Variants in ZNF627 observed in about 807,000 individuals in gnomAD.
The protein encoded by ZNF627 is zinc finger protein 627.
ZNF627 carries 12 observed loss-of-function variants against 10.6 expected under a neutral mutation model. The ratio of observed to expected loss-of-function variants is 1.13; its 90% confidence interval spans 0.73 to 1.84. The LOEUF (loss-of-function observed/expected upper bound fraction) is 1.84. ZNF627 is among the 40% of genes most tolerant of loss of function. The pLI is 0.00. For missense variants in ZNF627, 504 were observed against 568.4 expected (o/e 0.89, Z 1.15); for synonymous variants, 176 against 187.1 (o/e 0.94, Z 0.48).
At chr19:11,601,558 G>A (rs987087561) in intron 1 of ZNF627, among the ~76,000 whole-genome samples, 2 of 152,002 alleles carry the variant, frequency 1.3e-5, no homozygotes, top group Non-Finnish European at 2.9e-5. Context: ...ATGTTGCCCA[G>A]ACTGGTCTCT....
chr19:11,616,725 A>T lies in ZNF627; in HGVS notation c.222A>T (p.Lys74Asn), dbSNP rs1457708833. Residue 74 changes from lysine (K) to asparagine (N), a missense_variant, in exon 4 of 4, where the codon AAA (lysine) becomes AAT (asparagine). Physicochemically the swap from Lys to Asn is moderately conservative, Grantham distance 94. Transcript: ENST00000361113. ...SHIPERLCES[K>N]EGGQGEETFS... ...TTCCAGAGAGACTCTGTGAAAGTAA[A>T]GAAGGTGGTCAAGGTGAAGAAACCT... The T allele has an allele frequency of 1.2e-6, 2 of 1,600,788 alleles. No homozygotes were observed. The highest frequency in any genetic ancestry group is 2.2e-5 in the South Asian group (2 of 89,290).
intron 1 of ZNF627, among the ~76,000 whole-genome samples, chr19:11,598,513 T>C (rs1008043012): frequency 2.0e-5 from 3 of 152,200 alleles, no homozygotes; most frequent in Non-Finnish European, 4.4e-5. Context: ...GCCACAGCCC[T>C]CTAATTGTCT....
chr19:11,618,937 T>C lies in ZNF627; in HGVS notation c.*1048T>C, dbSNP rs551746863. On this transcript the variant is annotated 3_prime_UTR_variant, in exon 4 of 4. Transcript: ENST00000361113. ...AACCATGTGCATACAACTTAAGGAA[T>C]TTTTTCCTCCTCATGTAAATTTTAC... 2 of 151,798 alleles carry C rather than the reference T, an allele frequency of 1.3e-5. No individual in the cohort carries two copies. The highest frequency in any genetic ancestry group is 6.6e-5 in the Admixed American group (1 of 15,254). The allele number at this position is 151,798 out of a possible 1,614,324, so 9.4% of individuals were successfully genotyped here.
chr19:11,606,272 G>A (rs948352216), intron 1 of ZNF627, among the ~76,000 whole-genome samples: 4 of 151,902 alleles, frequency 2.6e-5, no homozygotes, highest in Admixed American at 6.6e-5. Context: ...AGAAGGCGGA[G>A]GTTCCAGTGA....
At chr19:11,599,244 G>T (rs1304181205) in intron 1 of ZNF627, among the ~76,000 whole-genome samples, 1 of 151,932 alleles carries the variant, frequency 6.6e-6, no homozygotes, top group Non-Finnish European at 1.5e-5. Flanking sequence ...GAGGAGCTGG[G>T]TGTCCTGGGG....
chr19:11,606,194 A>G (rs1400685000), intron 1 of ZNF627, among the ~76,000 whole-genome samples: 2 of 151,892 alleles, frequency 1.3e-5, no homozygotes, highest in Non-Finnish European at 2.9e-5. Flanking sequence ...ACAAAAAATT[A>G]GGCATGGTGG....
At chr19:11,606,843 C>T (rs1973684288) in intron 1 of ZNF627, among the ~76,000 whole-genome samples, 1 of 152,204 alleles carries the variant, frequency 6.6e-6, no homozygotes, top group South Asian at 2.1e-4. Context: ...TTGCACCCTC[C>T]GAAGCCATGA....
chr19:11,615,705 C>T (rs1973854925), intron 3 of ZNF627, among the ~76,000 whole-genome samples: 1 of 147,188 alleles, frequency 6.8e-6, no homozygotes, highest in African/African-American at 2.5e-5. Context: ...TAAGAAACTT[C>T]ATACGAATAT....
Position 11,617,122 on chromosome 19 carries a change from C to A in ZNF627, c.619C>A (p.Pro207Thr). ...CKVCGKAFDYPSLFRIHERSH... is the reference protein window; with the variant it reads ...CKVCGKAFDYTSLFRIHERSH... The stretch of plus-strand genomic sequence containing the variant: ...GGTGTGTGGGAAAGCCTTTGATTAT[C>A]CCAGTTTATTTCGTATACATGAAAG... Residue 207 changes from proline (P) to threonine (T), a missense_variant, in exon 4 of 4, where the codon CCC becomes ACC. Physicochemically the swap from Pro to Thr is conservative, Grantham distance 38. Transcript: ENST00000361113. The A allele has an allele frequency of 6.2e-7, 1 of 1,613,840 alleles. No individual in the cohort carries two copies. The highest frequency in any genetic ancestry group is 8.5e-7 in the Non-Finnish European group (1 of 1,179,962).
chr19:11,614,268 CATT>C (rs1973828450), intron 1 of ZNF627, among the ~76,000 whole-genome samples: 1 of 152,174 alleles, frequency 6.6e-6, no homozygotes, highest in Non-Finnish European at 1.5e-5. Flanking sequence ...TACAGAGAGA[CATT>C]AGGGGTGGCC....
At chr19:11,615,139 G>T (rs1204123867) in intron 3 of ZNF627, among the ~76,000 whole-genome samples, 2 of 150,874 alleles carry the variant, frequency 1.3e-5, no homozygotes, top group Non-Finnish European at 3.0e-5. Context: ...GTAGAGACGG[G>T]GTTTCACCAT....
At chr19:11,612,808 G>A (rs1389963513) in intron 1 of ZNF627, among the ~76,000 whole-genome samples, 1 of 150,792 alleles carries the variant, frequency 6.6e-6, no homozygotes, top group African/African-American at 2.4e-5. Flanking sequence ...GGGAGTACCT[G>A]TGCAAGTTTG....
chr19:11,614,940 T>C, intron 3 of ZNF627, 53 bp downstream of exon 3: 1 of 1,383,490 alleles, frequency 7.2e-7, no homozygotes, highest in South Asian at 1.4e-5. Flanking sequence ...TTTCGTATTG[T>C]TAGGAATTTT....
Position 11,617,807 on chromosome 19 carries a change from G to T in ZNF627, c.1304G>T (p.Arg435Leu). The change falls in exon 4 of 4, where the codon CGA becomes CTA. Residue 435 changes from arginine (R) to leucine (L), a missense_variant. Transcript: ENST00000361113. ...GKAFSRSTYFRVHEKIHTGEK... is the reference protein window; with the variant it reads ...GKAFSRSTYFLVHEKIHTGEK... ...GCCTTCAGTCGATCCACTTACTTTC[G>T]AGTACATGAAAAAATTCATACTGGA... The T allele has an allele frequency of 6.2e-7, 1 of 1,609,616 alleles. No homozygotes were observed. Among genetic ancestry groups the T allele is most frequent in the South Asian group, 1.1e-5 (1 of 90,440 alleles).
In ZNF627 at chr19:11,617,009, G is replaced by A. The variant is rs1372297729; in HGVS notation, c.506G>A (p.Cys169Tyr). 16 of 1,614,154 alleles carry A rather than the reference G, an allele frequency of 9.9e-6. No homozygotes were observed. Among genetic ancestry groups the A allele is most frequent in the Non-Finnish European group, 1.3e-5 (15 of 1,180,018 alleles). Residue 169 changes from cysteine (C) to tyrosine (Y), a missense_variant, in exon 4 of 4, where the codon TGT (cysteine) becomes TAT (tyrosine). Coordinates refer to ENST00000361113, the MANE Select transcript of ZNF627 (RefSeq NM_145295.4). ...CATCCTGGAGGAAAGCCCTATGATT[G>A]TAAGGAATGTGGAGAAACCTTTATT... The part of the protein sequence containing the change: ...RTHPGGKPYD[C>Y]KECGETFISL...
At chr19:11,613,383 T>C (rs1183760790) in intron 1 of ZNF627, among the ~76,000 whole-genome samples, 2 of 150,420 alleles carry the variant, frequency 1.3e-5, no homozygotes, top group African/African-American at 4.9e-5. Context: ...CTTCCTGCCA[T>C]AAGCAGGAAG....
At chr19:11,604,031 C>T (rs1973633093) in intron 1 of ZNF627, among the ~76,000 whole-genome samples, 1 of 151,288 alleles carries the variant, frequency 6.6e-6, no homozygotes, top group African/African-American at 2.4e-5. Context: ...TGATCTCTAA[C>T]TCCTGGCTCA....
chr19:11,617,708 G>A lies in ZNF627; in HGVS notation c.1205G>A (p.Arg402His), dbSNP rs758171772. The change falls in exon 4 of 4, where the codon CGT becomes CAT. Residue 402 changes from arginine to histidine, a missense_variant. By Grantham distance (29) the Arg-to-His change is conservative (BLOSUM62 0). Coordinates refer to ENST00000361113, the MANE Select transcript of ZNF627 (RefSeq NM_145295.4). The part of the protein sequence containing the change: ...KCTKCGKAFS[R>H]SSYFRIHERT... ...ACAAAATGTGGGAAAGCCTTCAGTCGTTCCAGTTACTTCCGAATCCATGAA... is the reference window on the plus strand; with the variant it reads ...ACAAAATGTGGGAAAGCCTTCAGTCATTCCAGTTACTTCCGAATCCATGAA... The A allele has an allele frequency of 6.8e-6, 11 of 1,611,858 alleles. No individual in the cohort carries two copies. Among genetic ancestry groups the A allele is most frequent in the Middle Eastern group, 3.3e-4 (2 of 6,076 alleles).
At chr19:11,609,671 C>A (rs1367013898) in intron 1 of ZNF627, among the ~76,000 whole-genome samples, 1 of 151,536 alleles carries the variant, frequency 6.6e-6, no homozygotes, top group Admixed American at 6.6e-5. Context: ...GCGCCTGCCA[C>A]CATGCCCGGC....
Sources: gnomAD v4.1 joint callset for allele counts (sites outside exome capture counted in the v4.1 genomes callset) on GRCh38, gnomAD v4.1.1 for gene constraint, MANE v1.5 for transcripts, NCBI Gene and HGNC (gene_info 2026-07-23, HGNC 2026-07-21) for gene names.